TGM5: variants seen among roughly 807,000 people sequenced by gnomAD.
TGM5 encodes transglutaminase 5.
TGM5 carries 69 observed loss-of-function variants against 77.2 expected under a neutral mutation model. That is an observed-to-expected ratio of 0.89 (90% CI 0.74 to 1.09). The LOEUF (loss-of-function observed/expected upper bound fraction) is 1.09, where lower values mean the gene tolerates loss of function less well. Ranked by LOEUF, TGM5 falls within the 50% of genes least tolerant of loss-of-function variation. TGM5 has a pLI of 0.00. For synonymous variants in TGM5, 346 were observed against 351.8 expected (o/e 0.98, Z 0.18); for missense variants, 842 against 896.5 (o/e 0.94, Z 0.78).
chr15:43,260,796 C>G (rs1172967664), intron 1 of TGM5: 1 of 645,008 alleles, frequency 1.6e-6, no homozygotes, highest in East Asian at 2.8e-5. Flanking sequence ...TTTCCTTCCT[C>G]TCCTATCTCT....
chr15:43,264,889 C>G (rs1442463010), intron 1 of TGM5, among the ~76,000 whole-genome samples: 1 of 152,166 alleles, frequency 6.6e-6, no homozygotes, highest in African/African-American at 2.4e-5. Context: ...ATTACTTTAA[C>G]ACACATCTGT....
Position 43,233,698 on chromosome 15 carries a change from C to G in TGM5, c.1876-11G>C. On this transcript the variant is annotated splice_polypyrimidine_tract_variant and intron_variant, in intron 11 of 12. Transcript: ENST00000220420. ...GGCTGCTCCTAGAACCTAAACAGAC[C>G]AGGAGGGGAAGGAGAATTAGTTCTC... 1 of 1,613,960 alleles carries G rather than the reference C, an allele frequency of 6.2e-7. No individual in the cohort carries two copies. The highest frequency in any genetic ancestry group is 8.5e-7 in the Non-Finnish European group (1 of 1,179,944).
Position 43,252,858 on chromosome 15 carries a change from A to G in TGM5, c.763T>C (p.Trp255Arg), listed in dbSNP as rs115677373. ...TTCAGGATGGCCACGCTGCCCGTCC[A>G]CTCCGCAGGGTTGGCGCCGTCTGTG... is the stretch of plus-strand genomic sequence containing the variant. ...NYTDGANPAE[W>R]TGSVAILKQW... The change falls in exon 6 of 13, where the codon TGG becomes CGG. Residue 255 changes from tryptophan to arginine, a missense_variant. Around this residue, in one of 2 missense-constraint regions of TGM5, gnomAD observed 815 missense variants for 844.6 expected, o/e 0.96. Coordinates refer to ENST00000220420, the MANE Select transcript of TGM5 (RefSeq NM_201631.4). The G allele has an allele frequency of 1.3e-4, 211 of 1,613,780 alleles. No homozygotes were observed. Among genetic ancestry groups the G allele is most frequent in the Non-Finnish European group, 1.2e-4 (147 of 1,180,008 alleles).
chr15:43,260,534 A>T lies in TGM5; in HGVS notation c.56T>A (p.Val19Glu). Residue 19 changes from valine (V) to glutamate (E), a missense_variant, in exon 2 of 13, where the codon GTG (valine) becomes GAG (glutamate). Transcript: ENST00000220420. The part of the protein sequence containing the change: ...LTDLQSSRNN[V>E]RHHTEEITVD... The stretch of plus-strand genomic sequence containing the variant: ...AGTGATCTCCTCCGTGTGGTGCCGC[A>T]CATTATTTCTGGAGCTCTGGAGGTC... 6.2e-7 allele frequency: 1 copy of T among 1,614,074 alleles called. No homozygotes were observed. The highest frequency in any genetic ancestry group is 1.1e-5 in the South Asian group (1 of 91,074).
intron 1 of TGM5, among the ~76,000 whole-genome samples, chr15:43,262,816 G>A (rs1210962668): frequency 6.6e-6 from 1 of 152,192 alleles, no homozygotes; most frequent in Non-Finnish European, 1.5e-5. Context: ...CTAAGATAAG[G>A]AACAAGACAA....
chr15:43,254,103 G>C (rs527612796), intron 4 of TGM5, among the ~76,000 whole-genome samples: 1 of 152,316 alleles, frequency 6.6e-6, no homozygotes, highest in East Asian at 1.9e-4. Flanking sequence ...GGGGCTCTAG[G>C]CTGACTAATT....
chr15:43,254,274 G>C (rs76046277), intron 4 of TGM5, among the ~76,000 whole-genome samples: 1 of 152,120 alleles, frequency 6.6e-6, no homozygotes. Flanking sequence ...ACTCAGTTAC[G>C]TGATGTAGTC....
intron 6 of TGM5, among the ~76,000 whole-genome samples, chr15:43,247,123 A>C (rs1010131310): frequency 1.3e-5 from 2 of 150,168 alleles, no homozygotes; most frequent in East Asian, 3.9e-4. Context: ...GTGCTGCTGC[A>C]CTATAGCCTG....
chr15:43,258,283 G>A (rs2042757838), intron 3 of TGM5, among the ~76,000 whole-genome samples: 1 of 151,656 alleles, frequency 6.6e-6, no homozygotes, highest in Non-Finnish European at 1.5e-5. Context: ...CTGTTGGGTA[G>A]TATGCTTATT....
rs1046471651 is a variant in TGM5, at chr15:43,235,681, G to C, written c.1502C>G (p.Pro501Arg). ...PRSLHTPSLR[P>R]SDVVQVSLKF... ...CAGGGAGACTTGCACCACATCACTG[G>C]GTCGAAGGGAAGGTGTATGCAGGCT... The change falls in exon 10 of 13, where the codon CCC becomes CGC. Residue 501 changes from proline to arginine, a missense_variant. Physicochemically the swap from Pro to Arg is moderately radical, Grantham distance 103 (BLOSUM62 -2). This residue lies in a region of TGM5 where 815 missense variants were observed against 844.6 expected (regional missense o/e 0.96). Coordinates refer to ENST00000220420, the MANE Select transcript of TGM5 (RefSeq NM_201631.4). 6.2e-6 allele frequency: 10 copies of C among 1,614,176 alleles called. No homozygotes were observed. Among genetic ancestry groups the C allele is most frequent in the Non-Finnish European group, 6.8e-6 (8 of 1,180,044 alleles).
chr15:43,265,465 C>T (rs2042817906), intron 1 of TGM5, among the ~76,000 whole-genome samples: 1 of 152,222 alleles, frequency 6.6e-6, no homozygotes, highest in African/African-American at 2.4e-5. Context: ...CAGCATCTGC[C>T]TGGCAGCAAG....
chr15:43,237,266 A>C (rs140954550), intron 9 of TGM5, among the ~76,000 whole-genome samples: 1 of 151,890 alleles, frequency 6.6e-6, no homozygotes, highest in African/African-American at 2.4e-5. Flanking sequence ...AGCCCCTGCA[A>C]CTCTGTCTGA....
intron 6 of TGM5, among the ~76,000 whole-genome samples, chr15:43,252,407 C>A (rs531063432): frequency 6.6e-6 from 1 of 152,180 alleles, no homozygotes; most frequent in African/African-American, 2.4e-5. Context: ...ACCTCTGCCC[C>A]CCCGGGTTCA....
At chr15:43,254,927 G>A (rs905426945) in intron 4 of TGM5, among the ~76,000 whole-genome samples, 1 of 152,126 alleles carries the variant, frequency 6.6e-6, no homozygotes, top group African/African-American at 2.4e-5. Flanking sequence ...ATGTGTCTGA[G>A]TCCGCATTAC....
chr15:43,239,703 C>T (rs2042619730), intron 7 of TGM5: 1 of 227,826 alleles, frequency 4.4e-6, no homozygotes, highest in Non-Finnish European at 8.8e-6. Context: ...GACAGGTCTT[C>T]CTCTTGTGGA....
At chr15:43,265,006 AATC>A (rs1276586560) in intron 1 of TGM5, among the ~76,000 whole-genome samples, 1 of 152,160 alleles carries the variant, frequency 6.6e-6, no homozygotes, top group Non-Finnish European at 1.5e-5. Flanking sequence ...TCTTTTGCAA[AATC>A]ACCCTGTACG....
chr15:43,259,249 G>A (rs2042767030), intron 3 of TGM5, among the ~76,000 whole-genome samples: 1 of 151,998 alleles, frequency 6.6e-6, no homozygotes, highest in Non-Finnish European at 1.5e-5. Context: ...TAGATTTAGA[G>A]GTCAGGGCTT....
intron 4 of TGM5, among the ~76,000 whole-genome samples, chr15:43,254,015 C>T (rs1054784897): frequency 6.6e-5 from 10 of 152,358 alleles, no homozygotes; most frequent in African/African-American, 2.2e-4. Context: ...CTTCCACACT[C>T]ACCTGCTGAC....
At chr15:43,241,832 G>T (rs2042639018) in intron 6 of TGM5, among the ~76,000 whole-genome samples, 1 of 151,962 alleles carries the variant, frequency 6.6e-6, no homozygotes, top group Admixed American at 6.5e-5. Context: ...TAGAGACGGG[G>T]TTTTACCATG....
Sources: allele counts gnomAD v4.1 joint callset (sites outside exome capture counted in the v4.1 genomes callset), GRCh38; gene constraint gnomAD v4.1.1; regional missense constraint gnomAD v4.1.1; transcripts MANE v1.5; gene names NCBI Gene and HGNC (gene_info 2026-07-23, HGNC 2026-07-21).